The following BAG5 variants were observed in gnomAD, a reference collection of about 807,000 sequenced individuals.
The protein encoded by BAG5 is BAG cochaperone 5.
BAG5 carries 25 observed loss-of-function variants against 31.8 expected under a neutral mutation model. The ratio of observed to expected loss-of-function variants is 0.79; its 90% CI spans 0.57 to 1.10. The LOEUF (loss-of-function observed/expected upper bound fraction) is 1.10, where lower values mean the gene tolerates loss of function less well. Ranked by LOEUF, BAG5 falls within the 50% of genes least tolerant of loss-of-function variation. The pLI is 0.00. For synonymous variants in BAG5, 208 were observed against 205.0 expected (o/e 1.01, Z -0.13); for missense variants, 491 against 527.9 (o/e 0.93, Z 0.68).
rs1566971234 is a variant in BAG5, at chr14:103,556,817, A to G, written c.*3004T>C. 1 of 152,210 alleles carries G rather than the reference A, an allele frequency of 6.6e-6. No individual in the cohort carries two copies. Among genetic ancestry groups the G allele is most frequent in the Non-Finnish European group, 1.5e-5 (1 of 68,040 alleles). The allele number at this position is 152,210 out of a possible 1,614,324, so 9.4% of individuals were successfully genotyped here. On this transcript the variant is annotated 3_prime_UTR_variant, in exon 2 of 2. Coordinates refer to ENST00000299204, the MANE Select transcript of BAG5 (RefSeq NM_001015048.3). Reference sequence around the variant, plus strand: ...GCTCAAAAAAAAAATAAAAAAACCCAAAACCTTGCATGCACAAGCTAAGCT... The same window carrying G: ...GCTCAAAAAAAAAATAAAAAAACCCGAAACCTTGCATGCACAAGCTAAGCT...
Position 103,559,678 on chromosome 14 carries a change from G to A in BAG5, c.*143C>T. On this transcript the variant is annotated 3_prime_UTR_variant, in exon 2 of 2. Transcript: ENST00000299204. ...TGATATTTGTCTTGCAACATCAAAA[G>A]CAGCAGATACTGAATAGAATTTGCT... is the stretch of plus-strand genomic sequence containing the variant. The A allele has an allele frequency of 1.1e-6, 1 of 929,468 alleles. No homozygotes were observed. The highest frequency in any genetic ancestry group is 1.8e-5 in the South Asian group (1 of 56,694). 57.6% of individuals were successfully genotyped at this position (929,468 alleles called of 1,614,324 possible).
At position 103,556,558 on chromosome 14, in the gene BAG5, C is replaced by T. The variant is rs1347267856; in HGVS notation, c.*3263G>A. 1 of 151,832 alleles carries T rather than the reference C, an allele frequency of 6.6e-6. No homozygotes were observed. Among genetic ancestry groups the T allele is most frequent in the African/African-American group, 2.4e-5 (1 of 41,312 alleles). 9.4% of individuals were successfully genotyped at this position (151,832 alleles called of 1,614,324 possible). The stretch of plus-strand genomic sequence containing the variant: ...TCAGACTCACAGCCTTTCTCCACTG[C>T]AAGCGTAAGAGACTGGTTTTATTTC... On this transcript the variant is annotated 3_prime_UTR_variant, in exon 2 of 2. Transcript: ENST00000299204.
In BAG5 at chr14:103,560,934, A is replaced by G; in HGVS notation, c.231T>C (p.Arg77=). The stretch of plus-strand genomic sequence containing the variant: ...CATTCTGCTCCAACTCTTTGAGAAG[A>G]CGTTCTGTCTCCTGTGCTGCCCGCT... ...ARKRAAQETE[R]LLKELEQNAN... The change falls in exon 2 of 2, where the codon CGT becomes CGC. Residue 77 remains arginine, a synonymous_variant. Transcript: ENST00000299204. 1.2e-6 allele frequency: 2 copies of G among 1,614,146 alleles called. No individual in the cohort carries two copies. Among genetic ancestry groups the G allele is most frequent in the Non-Finnish European group, 1.7e-6 (2 of 1,180,038 alleles).
Position 103,559,983 on chromosome 14 carries a change from G to T in BAG5, c.1182C>A (p.Asn394Lys). The change falls in exon 2 of 2, where the codon AAC (asparagine) becomes AAA (lysine). Residue 394 changes from asparagine to lysine, a missense_variant. By Grantham distance (94) the Asn-to-Lys change is moderately conservative. Coordinates refer to ENST00000299204, the MANE Select transcript of BAG5 (RefSeq NM_001015048.3). Reference protein sequence around the residue: ...LSFDGNRTDKNYIRLEELLTK... With the variant: ...LSFDGNRTDKKYIRLEELLTK... The stretch of plus-strand genomic sequence containing the variant: ...TGAGCAGCTCTTCCAGCCGGATGTA[G>T]TTCTTATCGGTTCGATTTCCATCAA... 6.2e-7 allele frequency: 1 copy of T among 1,614,214 alleles called. No homozygotes were observed. The highest frequency in any genetic ancestry group is 8.5e-7 in the Non-Finnish European group (1 of 1,180,046).
At position 103,560,999 on chromosome 14, in the gene BAG5, CAG is replaced by C. The variant is rs746975471; in HGVS notation, c.164_165del (p.Ser55CysfsTer4). The C allele has an allele frequency of 7.1e-5, 114 of 1,614,032 alleles. No homozygotes were observed. The highest frequency in any genetic ancestry group is 9.2e-5 in the Non-Finnish European group (109 of 1,180,050). ...ATATCTCCTTTTCCTTCAGTATCTA[CAG>C]AGTCTATTTCAAAAAGCTGTTTTGT... ...ILTKQLFEID[S>X]VDTEGKGDIQ... On this transcript the variant is annotated frameshift_variant, in exon 2 of 2. Transcript: ENST00000299204. LOFTEE classifies it high-confidence loss of function.
rs2142259120 is a variant in BAG5 at position 103,558,676 on chromosome 14, C to G, written c.*1145G>C. 6.6e-6 allele frequency: 1 copy of G among 152,304 alleles called. No homozygotes were observed. The highest frequency in any genetic ancestry group is 1.5e-5 in the Non-Finnish European group (1 of 68,028). The allele number at this position is 152,304 out of a possible 1,614,324, so 9.4% of individuals were successfully genotyped here. A position where few individuals can be genotyped will look rare whatever the true frequency, so the allele number is the denominator to read the frequency against. The stretch of plus-strand genomic sequence containing the variant: ...ATGAGCTCAGTTGTTCAGCAGGCAC[C>G]CAGAGGAAGCCTTTAATTCCGAGCA... On this transcript the variant is annotated 3_prime_UTR_variant, in exon 2 of 2. Transcript: ENST00000299204.
In BAG5 at chr14:103,560,373, T is replaced by C; in HGVS notation, c.792A>G (p.Thr264=). 1 of 1,614,218 alleles carries C rather than the reference T, an allele frequency of 6.2e-7. No homozygotes were observed. Among genetic ancestry groups the C allele is most frequent in the Non-Finnish European group, 8.5e-7 (1 of 1,180,040 alleles). ...KYLDLEEEAD[T]TKAFDLRQNH... ...TCTGTCTCAGGTCAAATGCTTTAGT[T>C]GTGTCTGCTTCCTCTTCCAAATCCA... The change falls in exon 2 of 2, where the codon ACA becomes ACG. Residue 264 remains threonine (T), a synonymous_variant. Coordinates refer to ENST00000299204, the MANE Select transcript of BAG5 (RefSeq NM_001015048.3).
In BAG5 at chr14:103,560,733, G is replaced by T; in HGVS notation, c.432C>A (p.Ser144=). 1 of 1,614,074 alleles carries T rather than the reference G, an allele frequency of 6.2e-7. No homozygotes were observed. The highest frequency in any genetic ancestry group is 8.5e-7 in the Non-Finnish European group (1 of 1,180,016). ...LTHVKTGGKI[S]LRKARYHTLT... is the part of the protein sequence containing the mutation. ...AAGTGTGATACCTTGCTTTCCGCAAGGAGATTTTTCCTCCAGTTTTAACAT... is the reference window on the plus strand; with the variant it reads ...AAGTGTGATACCTTGCTTTCCGCAATGAGATTTTTCCTCCAGTTTTAACAT... Residue 144 remains serine, a synonymous_variant, in exon 2 of 2, where the codon TCC becomes TCA. Transcript: ENST00000299204.
In BAG5 at chr14:103,558,660, G is replaced by GTT. The variant is rs1326433787; in HGVS notation, c.*1159_*1160dup. ...ACCACATGCCCATGACATGAGCTCA[G>GTT]TTGTTCAGCAGGCACCCAGAGGAAG... On this transcript the variant is annotated 3_prime_UTR_variant, in exon 2 of 2. Coordinates refer to ENST00000299204, the MANE Select transcript of BAG5 (RefSeq NM_001015048.3). 1.3e-5 allele frequency: 2 copies of GTT among 152,238 alleles called. No individual in the cohort carries two copies. Among genetic ancestry groups the GTT allele is most frequent in the Non-Finnish European group, 2.9e-5 (2 of 68,054 alleles). The allele number at this position is 152,238 out of a possible 1,614,324, so 9.4% of individuals were successfully genotyped here. A position where few individuals can be genotyped will look rare whatever the true frequency, so the allele number is the denominator to read the frequency against.
In BAG5 at chr14:103,562,413, G is replaced by A. The variant is rs546686750; in HGVS notation, c.-29+203C>T. 2.6e-3 allele frequency: 668 copies of A among 253,556 alleles called. 1 individual carries two copies. Among genetic ancestry groups the A allele is most frequent in the Non-Finnish European group, 4.7e-3 (603 of 129,486 alleles). The allele number at this position is 253,556 out of a possible 1,614,324, so 15.7% of individuals were successfully genotyped here. On this transcript the variant is annotated intron_variant, in intron 1 of 1. Coordinates refer to ENST00000299204, the MANE Select transcript of BAG5 (RefSeq NM_001015048.3). ...AACCGAGGCCCGGCCGGAGACACCA[G>A]AGACCAGGCCCGGCCAGCCCCGGTC...
rs1322213686 is a variant in BAG5, at chr14:103,557,136, C to T, written c.*2685G>A. On this transcript the variant is annotated 3_prime_UTR_variant, in exon 2 of 2. Transcript: ENST00000299204. ...ATGGACTACAGCGTTTAATGCAGAC[C>T]CAAAGCCACACATTTTTGGGGAGTA... 1 of 152,168 alleles carries T rather than the reference C, an allele frequency of 6.6e-6. No homozygotes were observed. Among genetic ancestry groups the T allele is most frequent in the Non-Finnish European group, 1.5e-5 (1 of 68,042 alleles). 9.4% of individuals were successfully genotyped at this position (152,168 alleles called of 1,614,324 possible). A position where few individuals can be genotyped will look rare whatever the true frequency, so the allele number is the denominator to read the frequency against.
rs775628535 is a variant in BAG5, at chr14:103,561,105, T to A, written c.60A>T (p.Val20=). ...ISRLQEIQKE[V]KSVEQQVIGF... is the part of the protein sequence containing the mutation. ...CGATAACTTGCTGTTCTACACTTTTTACTTCCTTTTGGATTTCCTGAAGCC... is the reference window on the plus strand; with the variant it reads ...CGATAACTTGCTGTTCTACACTTTTAACTTCCTTTTGGATTTCCTGAAGCC... The change falls in exon 2 of 2, where the codon GTA becomes GTT. Residue 20 remains valine, a synonymous_variant. Coordinates refer to ENST00000299204, the MANE Select transcript of BAG5 (RefSeq NM_001015048.3). 2.5e-6 allele frequency: 4 copies of A among 1,605,762 alleles called. 1 individual carries two copies. In the South Asian group the frequency reaches 4.4e-5, roughly 18 times the overall value.
chr14:103,562,457 G>A, intron 1 of BAG5, 159 bp downstream of exon 1: 1 of 194,290 alleles, frequency 5.1e-6, no homozygotes, highest in South Asian at 8.5e-5. Context: ...CCCCAGGGGC[G>A]GGGACAGCGC....
In BAG5 at chr14:103,559,797, A is replaced by G. The variant is rs776320557; in HGVS notation, c.*24T>C. The G allele has an allele frequency of 6.2e-5, 100 of 1,604,088 alleles. No homozygotes were observed. Among genetic ancestry groups the G allele is most frequent in the Non-Finnish European group, 8.3e-5 (97 of 1,174,660 alleles). Reference sequence around the variant, plus strand: ...AAGCACATATGAAGTGCAAAACAGTATCAAAAGTGAGATCTCTGGTATTTC... The same window carrying G: ...AAGCACATATGAAGTGCAAAACAGTGTCAAAAGTGAGATCTCTGGTATTTC... On this transcript the variant is annotated 3_prime_UTR_variant, in exon 2 of 2. Coordinates refer to ENST00000299204, the MANE Select transcript of BAG5 (RefSeq NM_001015048.3).
rs199521433 is a variant in BAG5, at chr14:103,562,004, G to A, written c.-29+612C>T. The A allele has an allele frequency of 9.1e-5, 146 of 1,611,004 alleles. No individual in the cohort carries two copies. The highest frequency in any genetic ancestry group is 1.2e-4 in the Non-Finnish European group (142 of 1,177,300). The stretch of plus-strand genomic sequence containing the variant: ...CTCAAGGTGGGTAACCAATGGAAAC[G>A]CATAATCTATCCCCGGCGGATGTCC... On this transcript the variant is annotated intron_variant, in intron 1 of 1. Transcript: ENST00000299204.
chr14:103,562,068 CCCCGCCTCG>C (rs1337634151), intron 1 of BAG5: 2 of 1,072,414 alleles, frequency 1.9e-6, no homozygotes, highest in African/African-American at 3.1e-5. Flanking sequence ...GCTGCTTCCT[CCCCGCCTCG>C]CCCTTCCCTC....
At chr14:103,561,990 T>C (rs2076080435) in intron 1 of BAG5, 2 of 1,613,618 alleles carry the variant, frequency 1.2e-6, no homozygotes, top group African/African-American at 1.3e-5. Flanking sequence ...TCAAGGTGGG[T>C]AACCAATGGA....
rs1210582426 is a variant in BAG5 at position 103,559,435 on chromosome 14, T to C, written c.*386A>G. 1.1e-5 allele frequency: 2 copies of C among 180,206 alleles called. No homozygotes were observed. The highest frequency in any genetic ancestry group is 2.4e-5 in the Non-Finnish European group (2 of 84,034). The allele number at this position is 180,206 out of a possible 1,614,324, so 11.2% of individuals were successfully genotyped here. The stretch of plus-strand genomic sequence containing the variant: ...AACCTTACTCTTATTTAACCAAAAA[T>C]TTCCCCTTTCTCATAATTTTCCTAG... On this transcript the variant is annotated 3_prime_UTR_variant, in exon 2 of 2. Coordinates refer to ENST00000299204, the MANE Select transcript of BAG5 (RefSeq NM_001015048.3).
chr14:103,562,320 G>C (rs925190189), intron 1 of BAG5: 1 of 372,912 alleles, frequency 2.7e-6, no homozygotes, highest in Non-Finnish European at 5.0e-6. Flanking sequence ...CGCGCCTGCA[G>C]GACGTGACCT....
Sources: gnomAD v4.1 joint callset for allele counts on GRCh38, gnomAD v4.1.1 for gene constraint, MANE v1.5 for transcripts, NCBI Gene and HGNC (gene_info 2026-07-23, HGNC 2026-07-21) for gene names.